PHB1: variants seen among roughly 807,000 people sequenced by gnomAD.
PHB1 encodes prohibitin 1.
the PHB1 span, among the ~76,000 whole-genome samples, chr17:49,413,904 T>C: frequency 4.6e-5 from 7 of 152,140 alleles, no homozygotes; most frequent in Admixed American, 3.9e-4. Flanking sequence ...CACAGAGAAC[T>C]TAGCACCACA....
At chr17:49,411,494 A>G in the PHB1 span, among the ~76,000 whole-genome samples, 1 of 152,144 alleles carries the variant, frequency 6.6e-6, no homozygotes, top group Non-Finnish European at 1.5e-5. Flanking sequence ...CACCGCACCC[A>G]GCCATAAGTG....
At chr17:49,408,763 TGGG>T in the PHB1 span, 6 of 346,212 alleles carry the variant, frequency 1.7e-5, no homozygotes, top group Non-Finnish European at 3.2e-5. Flanking sequence ...CATCACTCTC[TGGG>T]TAACAGTTTG....
At chr17:49,409,546 T>TTTG in the PHB1 span, 8 of 914,364 alleles carry the variant, frequency 8.7e-6, no homozygotes, top group African/African-American at 9.8e-5. Flanking sequence ...TTTTTTTGTT[T>TTTG]TTTTTTTTTT....
chr17:49,405,122 G>A, the PHB1 span: 3 of 1,613,972 alleles, frequency 1.9e-6, no homozygotes, highest in Middle Eastern at 3.3e-4. Context: ...ATCCCCTGCA[G>A]TGGCCAGTGA....
chr17:49,404,387 G>A, the PHB1 span: 1 of 155,900 alleles, frequency 6.4e-6, no homozygotes, highest in African/African-American at 2.4e-5. Context: ...ACCTCAACAG[G>A]GGCAGATTCT....
the PHB1 span, among the ~76,000 whole-genome samples, chr17:49,409,872 T>C: frequency 6.6e-6 from 1 of 151,378 alleles, no homozygotes; most frequent in Non-Finnish European, 1.5e-5. Flanking sequence ...CTACTCCAAT[T>C]TGCTACAATT....
At chr17:49,406,972 C>T in the PHB1 span, 1 of 722,800 alleles carries the variant, frequency 1.4e-6, no homozygotes, top group Non-Finnish European at 2.5e-6. Context: ...CTGGAGGCAT[C>T]CGTGAGGCCA....
the PHB1 span, among the ~76,000 whole-genome samples, chr17:49,410,625 T>C: frequency 6.6e-6 from 1 of 151,986 alleles, no homozygotes; most frequent in Admixed American, 6.6e-5. Flanking sequence ...AAGTCAGGAG[T>C]CAGCCTTGGA....
chr17:49,407,255 G>C, the PHB1 span: 1 of 178,434 alleles, frequency 5.6e-6, no homozygotes, highest in African/African-American at 2.3e-5. Flanking sequence ...AAAGCCCAAG[G>C]AAGGCCAGAT....
At chr17:49,406,618 G>C in the PHB1 span, 1 of 688,132 alleles carries the variant, frequency 1.5e-6, no homozygotes, top group Non-Finnish European at 2.7e-6. Context: ...AATTGCAGAA[G>C]TACAATTCCT....
the PHB1 span, chr17:49,411,934 C>A: frequency 2.1e-5 from 24 of 1,116,664 alleles, no homozygotes; most frequent in South Asian, 3.7e-4. Context: ...TTTCTGTTCA[C>A]TTATTAAGTC....
At chr17:49,407,630 C>T in the PHB1 span, among the ~76,000 whole-genome samples, 1 of 152,176 alleles carries the variant, frequency 6.6e-6, no homozygotes, top group Admixed American at 6.5e-5. Context: ...TTTACTTATT[C>T]ATCCTAATTT....
the PHB1 span, chr17:49,406,762 T>A: frequency 1.2e-6 from 2 of 1,612,340 alleles, no homozygotes; most frequent in Non-Finnish European, 1.7e-6. Context: ...GGCTCACCTT[T>A]TCCACCACAA....
the PHB1 span, among the ~76,000 whole-genome samples, chr17:49,408,233 G>C: frequency 6.6e-6 from 1 of 152,234 alleles, no homozygotes; most frequent in African/African-American, 2.4e-5. Flanking sequence ...GTGCCCAGGG[G>C]TTAGCACTGG....
At chr17:49,411,446 C>T in the PHB1 span, among the ~76,000 whole-genome samples, 1 of 152,142 alleles carries the variant, frequency 6.6e-6, no homozygotes. Context: ...GATCCACCTG[C>T]CTCAGCCTCC....
chr17:49,406,919 C>A, the PHB1 span: 11 of 1,170,786 alleles, frequency 9.4e-6, no homozygotes, highest in Non-Finnish European at 1.4e-5. Flanking sequence ...GCTGGGAGGG[C>A]TCCATGGCCG....
chr17:49,404,152 T>G, the PHB1 span: 2 of 152,580 alleles, frequency 1.3e-5, no homozygotes, highest in African/African-American at 4.8e-5. Context: ...AGTCTCTGAA[T>G]GAGGGGGCCA....
At chr17:49,409,483 G>C in the PHB1 span, 4 of 1,612,422 alleles carry the variant, frequency 2.5e-6, no homozygotes, top group Non-Finnish European at 3.4e-6. Context: ...TCTTAGGGTA[G>C]GGGACAAACA....
the PHB1 span, chr17:49,409,485 G>A: frequency 3.1e-6 from 5 of 1,609,474 alleles, no homozygotes; most frequent in Admixed American, 5.0e-5. Flanking sequence ...TTAGGGTAGG[G>A]GACAAACACT....
Sources: allele counts gnomAD v4.1 joint callset (sites outside exome capture counted in the v4.1 genomes callset), GRCh38; gene constraint gnomAD v4.1.1; transcripts MANE v1.5; gene names NCBI Gene and HGNC (gene_info 2026-07-23, HGNC 2026-07-21).